Variants in ADAM10 observed in about 807,000 individuals in gnomAD.
The protein encoded by ADAM10 is ADAM metallopeptidase domain 10.
A neutral mutation model predicts 90.1 loss-of-function variants in ADAM10; 17 were observed. The ratio of observed to expected loss-of-function variants is 0.19; its 90% CI spans 0.13 to 0.28. The LOEUF is 0.28. ADAM10 is among the 10% of genes least tolerant of loss of function. ADAM10 has a pLI of 1.00. For synonymous variants in ADAM10, 310 were observed against 298.6 expected, an observed-to-expected ratio of 1.04 and a Z score of -0.40; for missense variants, 610 against 914.3, an observed-to-expected ratio of 0.67 and a Z score of 4.29.
chr15:58,679,080 T>C, intron 4 of ADAM10, 44 bp downstream of exon 4: 2 of 1,553,398 alleles, frequency 1.3e-6, no homozygotes, highest in South Asian at 1.1e-5. Context: ...TTAACTATCA[T>C]ATGCCTTTTG....
At chr15:58,643,501 T>C in intron 7 of ADAM10, among the ~76,000 whole-genome samples, 1 of 152,130 alleles carries the variant, frequency 6.6e-6, no homozygotes, top group African/African-American at 2.4e-5. Flanking sequence ...GAACACCAAA[T>C]GGAACATACA....
intron 5 of ADAM10, among the ~76,000 whole-genome samples, chr15:58,661,259 C>T (rs1009783765): frequency 1.3e-5 from 2 of 152,150 alleles, no homozygotes; most frequent in Non-Finnish European, 2.9e-5. Context: ...ATGTTCTTCA[C>T]TCTTCTGTGT....
At chr15:58,695,506 A>G (rs1424770328) in intron 2 of ADAM10, among the ~76,000 whole-genome samples, 1 of 152,192 alleles carries the variant, frequency 6.6e-6, no homozygotes, top group Non-Finnish European at 1.5e-5. Flanking sequence ...CTATAAAAAC[A>G]CTATCTCAAA....
intron 5 of ADAM10, among the ~76,000 whole-genome samples, chr15:58,650,747 C>T (rs1896664425): frequency 6.6e-6 from 1 of 152,092 alleles, no homozygotes; most frequent in Non-Finnish European, 1.5e-5. Flanking sequence ...CACAAATATA[C>T]AAAACACGTA....
chr15:58,600,772 T>C (rs2140988184), intron 14 of ADAM10, among the ~76,000 whole-genome samples: 1 of 152,346 alleles, frequency 6.6e-6, no homozygotes, highest in Middle Eastern at 3.4e-3. Context: ...CATGTACTAA[T>C]AAACATCATA....
At chr15:58,626,451 G>C (rs1025525948) in intron 10 of ADAM10, among the ~76,000 whole-genome samples, 5 of 152,040 alleles carry the variant, frequency 3.3e-5, no homozygotes, top group Non-Finnish European at 1.5e-5. Context: ...ATAGGCCTCA[G>C]TGTTTCCCCT....
At chr15:58,691,586 C>T (rs778822186) in intron 2 of ADAM10, 6 of 488,918 alleles carry the variant, frequency 1.2e-5, no homozygotes, top group South Asian at 3.1e-5. Flanking sequence ...TTCCAAGCCA[C>T]GAGATTTTAG....
chr15:58,600,561 TACA>T (rs1895081030), intron 14 of ADAM10, among the ~76,000 whole-genome samples: 3 of 152,254 alleles, frequency 2.0e-5, no homozygotes, highest in Non-Finnish European at 4.4e-5. Flanking sequence ...TGGAAGAAGA[TACA>T]TATTTTAGCA....
intron 1 of ADAM10, among the ~76,000 whole-genome samples, chr15:58,742,539 C>T (rs144168108): frequency 2.2e-4 from 34 of 152,302 alleles, no homozygotes; most frequent in African/African-American, 8.2e-4. Flanking sequence ...CAAAGGGAGA[C>T]TACATTCCCT....
intron 2 of ADAM10, among the ~76,000 whole-genome samples, chr15:58,713,814 T>TC (rs1447389343): frequency 6.0e-5 from 9 of 150,202 alleles, no homozygotes; most frequent in Non-Finnish European, 1.2e-4. Context: ...AGAATTCTTT[T>TC]CTTTTTTTTT....
At chr15:58,597,740 G>C in intron 15 of ADAM10, 99 bp from the exon 16 acceptor site, 1 of 1,349,104 alleles carries the variant, frequency 7.4e-7, no homozygotes, top group African/African-American at 1.5e-5. Context: ...TTTTAGTTCA[G>C]TGCTGTCCAA....
At chr15:58,641,101 C>A in intron 7 of ADAM10, 141 bp from the exon 8 acceptor site, 2 of 767,666 alleles carry the variant, frequency 2.6e-6, no homozygotes, top group Non-Finnish European at 4.4e-6. Context: ...TAAGGTTGTT[C>A]CCACTGCCCA....
At chr15:58,639,537 A>G (rs1342707314) in intron 8 of ADAM10, among the ~76,000 whole-genome samples, 1 of 152,208 alleles carries the variant, frequency 6.6e-6, no homozygotes, top group Non-Finnish European at 1.5e-5. Flanking sequence ...AAATCATAGG[A>G]AAGAGTGAGC....
At chr15:58,693,694 A>T (rs1897892312) in intron 2 of ADAM10, among the ~76,000 whole-genome samples, 1 of 152,004 alleles carries the variant, frequency 6.6e-6, no homozygotes, top group Non-Finnish European at 1.5e-5. Context: ...CAAAAATCAT[A>T]AAAGAAAAAA....
Position 58,589,060 on chromosome 15 carries a change from T to C in ADAM10, c.*8487A>G. ...ATATGTTAAAAGTTAAAAATACAGC[T>C]GTTGGTAATGTGTTGTAATGAAACT... On this transcript the variant is annotated 3_prime_UTR_variant, in exon 16 of 16. Coordinates refer to ENST00000260408, the MANE Select transcript of ADAM10 (RefSeq NM_001110.4). 6.6e-6 allele frequency: 1 copy of C among 152,236 alleles called. No individual in the cohort carries two copies. The highest frequency in any genetic ancestry group is 1.9e-4 in the East Asian group (1 of 5,204). 9.4% of individuals were successfully genotyped at this position (152,236 alleles called of 1,614,324 possible).
chr15:58,599,105 G>C (rs1428693966), intron 15 of ADAM10, among the ~76,000 whole-genome samples: 1 of 140,000 alleles, frequency 7.1e-6, no homozygotes, highest in Non-Finnish European at 1.5e-5. Flanking sequence ...GGGGAGGATT[G>C]CTTGAGCTCA....
intron 2 of ADAM10, among the ~76,000 whole-genome samples, chr15:58,711,842 C>T (rs1260191401): frequency 6.6e-6 from 1 of 152,064 alleles, no homozygotes; most frequent in Non-Finnish European, 1.5e-5. Context: ...AAGTAAGAGT[C>T]TCAGATACTT....
intron 14 of ADAM10, 27 bp from the exon 15 acceptor site, chr15:58,599,751 A>T: frequency 5.8e-6 from 2 of 346,310 alleles, no homozygotes; most frequent in South Asian, 1.6e-4. Context: ...TTTTCCACTG[A>T]AAAAAAAAAA....
intron 11 of ADAM10, among the ~76,000 whole-genome samples, chr15:58,618,747 C>A (rs1050297971): frequency 1.3e-5 from 2 of 151,990 alleles, no homozygotes; most frequent in African/African-American, 2.4e-5. Context: ...CTAACAAGTA[C>A]ATGAAAAAAT....
Sources: allele counts gnomAD v4.1 joint callset (sites outside exome capture counted in the v4.1 genomes callset), GRCh38; gene constraint gnomAD v4.1.1; transcripts MANE v1.5; gene names NCBI Gene and HGNC (gene_info 2026-07-23, HGNC 2026-07-21).